The following BRCA2 variants were observed in gnomAD, a reference collection of about 807,000 sequenced individuals.
BRCA2 encodes breast cancer type 2 susceptibility protein.
A neutral mutation model predicts 276.7 loss-of-function variants in BRCA2; 203 were observed. The ratio of observed to expected loss-of-function variants is 0.73; its 90% CI spans 0.65 to 0.82. BRCA2 has a LOEUF of 0.82. BRCA2 is among the 40% of genes least tolerant of loss of function. BRCA2 has a pLI of 0.00. For synonymous variants in BRCA2, 1,289 were observed against 1,338.4 expected, an observed-to-expected ratio of 0.96 and a Z score of 0.81; for missense variants, 3,920 against 3,915.0, an observed-to-expected ratio of 1.00 and a Z score of -0.03.
At chr13:32,389,283 T>G (rs1415921144) in intron 24 of BRCA2, among the ~76,000 whole-genome samples, 1 of 152,230 alleles carries the variant, frequency 6.6e-6, no homozygotes, top group African/African-American at 2.4e-5. Flanking sequence ...ATTATTATTT[T>G]TGTTTTAGTC....
chr13:32,399,469 T>C lies in BRCA2; in HGVS notation c.*699T>C, dbSNP rs1452351280. On this transcript the variant is annotated 3_prime_UTR_variant, in exon 27 of 27. Coordinates refer to ENST00000380152, the MANE Select transcript of BRCA2 (RefSeq NM_000059.4). The stretch of plus-strand genomic sequence containing the variant: ...GCAATTCTTCATCCTTAAGTCAGCA[T>C]GATTATAAGAAAAATAGAACCCTCA... The C allele has an allele frequency of 1.1e-5, 2 of 186,390 alleles. No individual in the cohort carries two copies. The highest frequency in any genetic ancestry group is 8.6e-5 in the East Asian group (1 of 11,578). 11.5% of individuals were successfully genotyped at this position (186,390 alleles called of 1,614,324 possible).
chr13:32,361,603 A>G (rs1194215318), intron 16 of BRCA2, among the ~76,000 whole-genome samples: 1 of 152,200 alleles, frequency 6.6e-6, no homozygotes, highest in Non-Finnish European at 1.5e-5. Flanking sequence ...CAGGAGAGAG[A>G]GGAGGCATTT....
At chr13:32,325,775 C>T (rs1218317937) in intron 4 of BRCA2, among the ~76,000 whole-genome samples, 4 of 151,998 alleles carry the variant, frequency 2.6e-5, no homozygotes, top group Non-Finnish European at 4.4e-5. Flanking sequence ...TTCCTGACCT[C>T]GTGATCCGCC....
intron 24 of BRCA2, among the ~76,000 whole-genome samples, chr13:32,382,310 G>A (rs1365627784): frequency 6.6e-6 from 1 of 152,174 alleles, no homozygotes; most frequent in African/African-American, 2.4e-5. Flanking sequence ...GGGCATGGGA[G>A]TAGATAGAGA....
intron 13 of BRCA2, among the ~76,000 whole-genome samples, chr13:32,353,065 T>A (rs1214979271): frequency 6.6e-6 from 1 of 152,224 alleles, no homozygotes; most frequent in Non-Finnish European, 1.5e-5. Flanking sequence ...TTAGATCTCA[T>A]CTAGATCACC....
chr13:32,338,496 AAAG>A lies in BRCA2; in HGVS notation c.4146_4148del (p.Glu1382del), dbSNP rs80359432. The A allele has an allele frequency of 1.2e-4, 197 of 1,609,136 alleles. No homozygotes were observed. Among genetic ancestry groups the A allele is most frequent in the Non-Finnish European group, 1.3e-4 (152 of 1,178,652 alleles). ...TATGAAGGAGGGAAACACTCAGATT[AAAG>A]AAGATTTGTCAGATTTAACTTTTTT... On this transcript the variant is annotated inframe_deletion, in exon 11 of 27. Transcript: ENST00000380152.
chr13:32,362,406 CAT>C lies in BRCA2; in HGVS notation c.7806-115_7806-114del, dbSNP rs1269684078. On this transcript the variant is annotated intron_variant, in intron 16 of 26. Coordinates refer to ENST00000380152, the MANE Select transcript of BRCA2 (RefSeq NM_000059.4). ...AATTATATTGTAGATCATATGAACTCATAAAAACTTAATGATCTTGAACAATG... is the reference window on the plus strand; with the variant it reads ...AATTATATTGTAGATCATATGAACTCAAAAACTTAATGATCTTGAACAATG... 4 of 967,470 alleles carry C rather than the reference CAT, an allele frequency of 4.1e-6. No homozygotes were observed. In the African/African-American group the frequency reaches 6.6e-5, roughly 16 times the overall value. 59.9% of individuals were successfully genotyped at this position (967,470 alleles called of 1,614,324 possible).
chr13:32,320,291 ACCT>A (rs1448316090), intron 3 of BRCA2, among the ~76,000 whole-genome samples: 3 of 152,154 alleles, frequency 2.0e-5, no homozygotes, highest in Non-Finnish European at 4.4e-5. Flanking sequence ...ACCTTAGATC[ACCT>A]CCCTTTGTCC....
At chr13:32,389,106 A>G (rs933033455) in intron 24 of BRCA2, among the ~76,000 whole-genome samples, 2 of 152,140 alleles carry the variant, frequency 1.3e-5, no homozygotes, top group African/African-American at 2.4e-5. Context: ...GTTACAACAT[A>G]CATGTATGAC....
rs1472572621 is a variant in BRCA2, at chr13:32,355,302, AT to A, written c.7435+17del. ...AAGAACCTTTAGGTATTGTATGACAATTTGTGTGATGAATTTTTGCCTTTCA... is the reference window on the plus strand; with the variant it reads ...AAGAACCTTTAGGTATTGTATGACAATTGTGTGATGAATTTTTGCCTTTCA... On this transcript the variant is annotated intron_variant, in intron 14 of 26. Coordinates refer to ENST00000380152, the MANE Select transcript of BRCA2 (RefSeq NM_000059.4). The A allele has an allele frequency of 1.9e-6, 3 of 1,613,160 alleles. No individual in the cohort carries two copies. The highest frequency in any genetic ancestry group is 3.3e-5 in the Admixed American group (2 of 60,000).
At chr13:32,378,807 G>C (rs529432618) in intron 21 of BRCA2, among the ~76,000 whole-genome samples, 1 of 152,128 alleles carries the variant, frequency 6.6e-6, no homozygotes, top group East Asian at 1.9e-4. Context: ...GTACATATCT[G>C]TTTTAAATTG....
chr13:32,385,588 A>G, intron 24 of BRCA2: 1 of 269,484 alleles, frequency 3.7e-6, no homozygotes, highest in South Asian at 5.7e-5. Flanking sequence ...GAAGGAAGCT[A>G]CCAACAAGCA....
At chr13:32,370,630 TG>T in intron 19 of BRCA2, 73 bp downstream of exon 19, 1 of 1,513,982 alleles carries the variant, frequency 6.6e-7, no homozygotes, top group Non-Finnish European at 9.1e-7. Context: ...TTGTTTGAGA[TG>T]GAGTTTCGGT....
rs28897735 is a variant in BRCA2, at chr13:32,339,633, T to G, written c.5278T>G (p.Ser1760Ala). ...CCATTCTGATGAGGTATATAATGATTCAGGATATCTCTCAAAAAATAAACT... is the reference window on the plus strand; with the variant it reads ...CCATTCTGATGAGGTATATAATGATGCAGGATATCTCTCAAAAAATAAACT... ...SYHSDEVYND[S>A]GYLSKNKLDS... is the part of the protein sequence containing the mutation. The change falls in exon 11 of 27, where the codon TCA (serine) becomes GCA (alanine). Residue 1760 changes from serine to alanine, a missense_variant. Around this residue, in one of 2 missense-constraint regions of BRCA2, gnomAD observed 3,263 missense variants for 3,156.9 expected, o/e 1.03. Transcript: ENST00000380152. The G allele has an allele frequency of 8.6e-5, 139 of 1,612,080 alleles. No homozygotes were observed. The highest frequency in any genetic ancestry group is 1.1e-4 in the Non-Finnish European group (135 of 1,178,590).
Position 32,337,055 on chromosome 13 carries a change from T to G in BRCA2, c.2700T>G (p.Asn900Lys), listed in dbSNP as rs1593897567. Residue 900 changes from asparagine (N) to lysine (K), a missense_variant, in exon 11 of 27, where the codon AAT (asparagine) becomes AAG (lysine). Asn to Lys is a moderately conservative substitution (Grantham distance 94, BLOSUM62 0). Around this residue, in one of 2 missense-constraint regions of BRCA2, gnomAD observed 3,263 missense variants for 3,156.9 expected, o/e 1.03. Coordinates refer to ENST00000380152, the MANE Select transcript of BRCA2 (RefSeq NM_000059.4). The stretch of plus-strand genomic sequence containing the variant: ...TCCAAGTAGCTAATGAAAGGAATAA[T>G]CTTGCTTTAGGAAATACTAAGGAAC... ...FVFQVANERN[N>K]LALGNTKELH... is the part of the protein sequence containing the mutation. 1 of 1,605,126 alleles carries G rather than the reference T, an allele frequency of 6.2e-7. No homozygotes were observed.
At chr13:32,368,761 T>G (rs1477454902) in intron 18 of BRCA2, among the ~76,000 whole-genome samples, 1 of 151,964 alleles carries the variant, frequency 6.6e-6, no homozygotes, top group Non-Finnish European at 1.5e-5. Flanking sequence ...AGAATTTTAT[T>G]TCAGTTTGTT....
In BRCA2 at chr13:32,398,901, C is replaced by T. The variant is rs775962219; in HGVS notation, c.*131C>T. On this transcript the variant is annotated 3_prime_UTR_variant, in exon 27 of 27. Coordinates refer to ENST00000380152, the MANE Select transcript of BRCA2 (RefSeq NM_000059.4). ...AAAGAAATTAGTTTCAAATTTACCT[C>T]AGCGTTTGTGTATCGGGCAAAAATC... 4.6e-5 allele frequency: 58 copies of T among 1,254,854 alleles called. 1 individual carries two copies. Among genetic ancestry groups the T allele is most frequent in the African/African-American group, 9.1e-5 (6 of 65,842 alleles). The allele number at this position is 1,254,854 out of a possible 1,614,324, so 77.7% of individuals were successfully genotyped here.
At position 32,349,553 on chromosome 13, in the gene BRCA2, C is replaced by T. The variant is rs4942448; in HGVS notation, c.7007+2657C>T. ...GAAATTATGTTTAAGAAGCAATACT[C>T]GCCGGGTACGGTGGCTCACATGGAG... is the stretch of plus-strand genomic sequence containing the variant. On this transcript the variant is annotated intron_variant, in intron 13 of 26. Transcript: ENST00000380152. 0.2 allele frequency among the ~76,000 whole-genome samples: 30,887 copies of T among 151,842 alleles called. 3,334 individuals carry two copies. Among genetic ancestry groups the T allele is most frequent in the African/African-American group, 0.24 (10,139 of 41,386 alleles).
At position 32,340,751 on chromosome 13, in the gene BRCA2, A is replaced by T. The variant is rs2137527091; in HGVS notation, c.6396A>T (p.Leu2132Phe). Residue 2132 changes from leucine to phenylalanine, a missense_variant, in exon 11 of 27, where the codon TTA (leucine) becomes TTT (phenylalanine). Around this residue, in one of 2 missense-constraint regions of BRCA2, gnomAD observed 3,263 missense variants for 3,156.9 expected, o/e 1.03. Transcript: ENST00000380152. ...MEKTCSKEFK[L>F]SNNLNVEGGS... is the part of the protein sequence containing the mutation. ...AAACCTGCAGTAAAGAATTTAAATT[A>T]TCAAATAACTTAAATGTTGAAGGTG... The T allele has an allele frequency of 6.2e-7, 1 of 1,605,780 alleles. No homozygotes were observed. Among genetic ancestry groups the T allele is most frequent in the Non-Finnish European group, 8.5e-7 (1 of 1,177,750 alleles).
Sources: gnomAD v4.1 joint callset for allele counts (sites outside exome capture counted in the v4.1 genomes callset) on GRCh38, gnomAD v4.1.1 for gene constraint, gnomAD v4.1.1 regional missense constraint, MANE v1.5 for transcripts, NCBI Gene and HGNC (gene_info 2026-07-23, HGNC 2026-07-21) for gene names.